JAKMIP1: variants seen among roughly 807,000 people sequenced by gnomAD.
JAKMIP1 encodes janus kinase and microtubule-interacting protein 1.
Under a neutral mutation model 113.0 loss-of-function variants are expected in JAKMIP1, and 33 were observed. The observed-to-expected ratio is 0.29, with a 90% CI of 0.22 to 0.39. JAKMIP1 has a LOEUF of 0.39. Ranked by LOEUF, JAKMIP1 falls within the 10% of genes least tolerant of loss-of-function variation. The pLI is 1.00. For missense variants in JAKMIP1, 813 were observed against 1,080.5 expected, an observed-to-expected ratio of 0.75 and a Z score of 3.47; for synonymous variants, 480 against 459.9, an observed-to-expected ratio of 1.04 and a Z score of -0.56.
intron 1 of JAKMIP1, among the ~76,000 whole-genome samples, chr4:6,182,422 A>AG (rs1332280852): frequency 1.6e-4 from 24 of 149,328 alleles, no homozygotes; most frequent in South Asian, 1.5e-3. Context: ...AAAAAAAAAA[A>AG]AAAAGAAAGA....
chr4:6,086,657 T>C lies in JAKMIP1; in HGVS notation c.625-1028A>G, dbSNP rs752884678. ...TCTGGATGCTCCAGTGAAGGCACTGTCCTGGTTGAATAGCAGGCCCCCAAG... is the reference window on the plus strand; with the variant it reads ...TCTGGATGCTCCAGTGAAGGCACTGCCCTGGTTGAATAGCAGGCCCCCAAG... On this transcript the variant is annotated intron_variant, in intron 3 of 20. Transcript: ENST00000409021. This position sits in a 1 kb window ranked among gnomAD's most constrained non-coding sequence, Gnocchi z 4.1. Among the ~76,000 whole-genome samples the C allele has an allele frequency of 3.3e-5, 5 of 151,978 alleles. No homozygotes were observed. The highest frequency in any genetic ancestry group is 4.8e-5 in the African/African-American group (2 of 41,362).
rs773831465 is a variant in JAKMIP1, at chr4:6,150,778, G to A, written c.-147-37781C>T. Among the ~76,000 whole-genome samples, 9 of 152,126 alleles carry A rather than the reference G, an allele frequency of 5.9e-5. No homozygotes were observed. Among genetic ancestry groups the A allele is most frequent in the South Asian group, 2.1e-4 (1 of 4,822 alleles). ...TAAAATCAGCTTCCTAGACCATGGC[G>A]GGAAGAAGAAAACAGGCAAGAAATT... On this transcript the variant is annotated intron_variant, in intron 1 of 20. Coordinates refer to ENST00000409021, the MANE Select transcript of JAKMIP1 (RefSeq NM_001099433.2). This position sits in a 1 kb window ranked among gnomAD's most constrained non-coding sequence, Gnocchi z 4.8.
chr4:6,165,987 C>T (rs1397449969), intron 1 of JAKMIP1, among the ~76,000 whole-genome samples: 2 of 152,096 alleles, frequency 1.3e-5, no homozygotes, highest in Non-Finnish European at 1.5e-5. Context: ...TTTCTGGGTT[C>T]GCGGACGCAT....
At chr4:6,028,715 T>C (rs1259683993) in intron 20 of JAKMIP1, among the ~76,000 whole-genome samples, 1 of 152,190 alleles carries the variant, frequency 6.6e-6, no homozygotes, top group African/African-American at 2.4e-5. Context: ...CCAGGGCTGA[T>C]CCCACAGTGT....
intron 1 of JAKMIP1, among the ~76,000 whole-genome samples, chr4:6,127,593 G>A (rs776936912): frequency 2.0e-5 from 3 of 152,166 alleles, no homozygotes; most frequent in Non-Finnish European, 4.4e-5. Context: ...TTGGCAGGCT[G>A]GGAGGTGGCC....
At position 6,183,882 on chromosome 4, in the gene JAKMIP1, C is replaced by T. The variant is rs1037407844; in HGVS notation, c.-148+16371G>A. On this transcript the variant is annotated intron_variant, in intron 1 of 20. Transcript: ENST00000409021. The surrounding 1 kb of genome is among the most constrained non-coding windows in gnomAD (Gnocchi z 5.3). ...ACTCCCAAAAACGGAATCACAAATG[C>T]GGTATGCAAATCGTCACAACAGAAT... is the stretch of plus-strand genomic sequence containing the variant. Among the ~76,000 whole-genome samples, 10 of 152,120 alleles carry T rather than the reference C, an allele frequency of 6.6e-5. No individual in the cohort carries two copies. Among genetic ancestry groups the T allele is most frequent in the African/African-American group, 2.4e-4 (10 of 41,418 alleles).
intron 19 of JAKMIP1, among the ~76,000 whole-genome samples, chr4:6,030,782 T>C (rs1428972468): frequency 1.3e-5 from 2 of 152,182 alleles, no homozygotes; most frequent in Non-Finnish European, 2.9e-5. Context: ...TCACATTCCG[T>C]AGGGCAGTGA....
rs1381304056 is a variant in JAKMIP1 at position 6,088,436 on chromosome 4, CAA to C, written c.625-2809_625-2808del. Among the ~76,000 whole-genome samples the C allele has an allele frequency of 6.6e-6, 1 of 152,168 alleles. No homozygotes were observed. The highest frequency in any genetic ancestry group is 1.5e-5 in the Non-Finnish European group (1 of 68,026). On this transcript the variant is annotated intron_variant, in intron 3 of 20. Coordinates refer to ENST00000409021, the MANE Select transcript of JAKMIP1 (RefSeq NM_001099433.2). The surrounding 1 kb of genome is among the most constrained non-coding windows in gnomAD (Gnocchi z 5.5). ...GCCACTGCCTTCCACTAGCTCCCCA[CAA>C]AAGACAGCACCGTCGCGAGCAAGAC...
intron 1 of JAKMIP1, among the ~76,000 whole-genome samples, chr4:6,120,227 GA>G (rs1434616146): frequency 6.7e-6 from 1 of 150,196 alleles, no homozygotes; most frequent in Non-Finnish European, 1.5e-5. Context: ...GAGCCCTTAG[GA>G]AAAAAATCTC....
Position 6,140,307 on chromosome 4 carries a change from T to C in JAKMIP1, c.-147-27310A>G, listed in dbSNP as rs982020593. Among the ~76,000 whole-genome samples, 1 of 150,700 alleles carries C rather than the reference T, an allele frequency of 6.6e-6. No homozygotes were observed. The highest frequency in any genetic ancestry group is 6.6e-5 in the Admixed American group (1 of 15,092). ...TTCACCAACATTTGTGTGATACACA[T>C]CTTCCCACATAAATCATAATGCACA... On this transcript the variant is annotated intron_variant, in intron 1 of 20. Coordinates refer to ENST00000409021, the MANE Select transcript of JAKMIP1 (RefSeq NM_001099433.2). This position sits in a 1 kb window ranked among gnomAD's most constrained non-coding sequence, Gnocchi z 9.4.
At chr4:6,098,563 AAAGAAAG>A (rs1436516229) in intron 3 of JAKMIP1, among the ~76,000 whole-genome samples, 5 of 22,220 alleles carry the variant, frequency 2.3e-4, no homozygotes, top group Admixed American at 9.4e-4. Context: ...AGAAAGAAAG[AAAGAAAG>A]AAAGAAAGAA....
chr4:6,085,045 A>T, intron 4 of JAKMIP1, 80 bp from the exon 5 acceptor site: 3 of 1,477,178 alleles, frequency 2.0e-6, no homozygotes, highest in Non-Finnish European at 2.7e-6. Flanking sequence ...TTCTTAGAAA[A>T]TTCACATGAC....
Position 6,139,534 on chromosome 4 carries a change from G to A in JAKMIP1, c.-147-26537C>T, listed in dbSNP as rs1328598060. ...TGTAACCCCAGCACTTTGGGAGGCT[G>A]AGGCAGGCGGATCACAAAGTCAGGA... is the stretch of plus-strand genomic sequence containing the variant. On this transcript the variant is annotated intron_variant, in intron 1 of 20. Transcript: ENST00000409021. The surrounding 1 kb of genome is among the most constrained non-coding windows in gnomAD (Gnocchi z 5.2). 6.6e-6 allele frequency among the ~76,000 whole-genome samples: 1 copy of A among 152,116 alleles called. No individual in the cohort carries two copies. Among genetic ancestry groups the A allele is most frequent in the East Asian group, 1.9e-4 (1 of 5,184 alleles).
intron 3 of JAKMIP1, among the ~76,000 whole-genome samples, chr4:6,103,597 T>C (rs975231578): frequency 2.0e-5 from 3 of 152,232 alleles, no homozygotes; most frequent in African/African-American, 7.2e-5. Flanking sequence ...TCTTAAACAC[T>C]TGAAAGAATT....
At position 6,043,754 on chromosome 4, in the gene JAKMIP1, G is replaced by GC. The variant is rs1314341249; in HGVS notation, c.2029-1528dup. 7.5e-5 allele frequency among the ~76,000 whole-genome samples: 8 copies of GC among 106,156 alleles called. No individual in the cohort carries two copies. In the South Asian group the frequency reaches 8.3e-4, roughly 11 times the overall value. 69.6% of individuals were successfully genotyped at this position (106,156 alleles called of 152,430 possible). Reference sequence around the variant, plus strand: ...CCCCACACACCCCAAATTCCTTTCTGCCCCCCCAGCCAGCAAGTTCCCTAA... The same window carrying GC: ...CCCCACACACCCCAAATTCCTTTCTGCCCCCCCCAGCCAGCAAGTTCCCTAA... On this transcript the variant is annotated intron_variant, in intron 16 of 20. Transcript: ENST00000409021.
At position 6,108,870 on chromosome 4, in the gene JAKMIP1, T is replaced by C. The variant is rs1043722278; in HGVS notation, c.130-2903A>G. ...ATCTGTAAGAACTCATGTTTGACTTTGTATGGATATAGATGTCATATATGG... is the reference window on the plus strand; with the variant it reads ...ATCTGTAAGAACTCATGTTTGACTTCGTATGGATATAGATGTCATATATGG... On this transcript the variant is annotated intron_variant, in intron 2 of 20. Transcript: ENST00000409021. This position sits in a 1 kb window ranked among gnomAD's most constrained non-coding sequence, Gnocchi z 5.6. Among the ~76,000 whole-genome samples, 1 of 152,238 alleles carries C rather than the reference T, an allele frequency of 6.6e-6. No individual in the cohort carries two copies. Among genetic ancestry groups the C allele is most frequent in the African/African-American group, 2.4e-5 (1 of 41,462 alleles).
In JAKMIP1 at chr4:6,040,109, T is replaced by A. The variant is rs1416135465; in HGVS notation, c.2175+530A>T. Reference sequence around the variant, plus strand: ...CGTGCCAGGAGCACTTAGCTTTGAGTGTGAGGACACAGGAGTTTGAACATC... The same window carrying A: ...CGTGCCAGGAGCACTTAGCTTTGAGAGTGAGGACACAGGAGTTTGAACATC... On this transcript the variant is annotated intron_variant, in intron 18 of 20. Transcript: ENST00000409021. The surrounding 1 kb of genome is among the most constrained non-coding windows in gnomAD (Gnocchi z 5.8). 6.6e-6 allele frequency among the ~76,000 whole-genome samples: 1 copy of A among 152,204 alleles called. No homozygotes were observed. Among genetic ancestry groups the A allele is most frequent in the Non-Finnish European group, 1.5e-5 (1 of 68,036 alleles).
chr4:6,110,838 C>A (rs1385582257), intron 2 of JAKMIP1, among the ~76,000 whole-genome samples: 1 of 151,318 alleles, frequency 6.6e-6, no homozygotes, highest in Non-Finnish European at 1.5e-5. Flanking sequence ...CTTTCCCTGT[C>A]ACCACAGCTG....
chr4:6,189,743 C>T (rs188030173), intron 1 of JAKMIP1, among the ~76,000 whole-genome samples: 201 of 152,246 alleles, frequency 1.3e-3, no homozygotes, highest in Admixed American at 2.0e-3. Flanking sequence ...TTATGCCTGG[C>T]CCTACCTGGC....
Sources: allele counts gnomAD v4.1 joint callset (sites outside exome capture counted in the v4.1 genomes callset), GRCh38; gene constraint gnomAD v4.1.1; non-coding constraint Gnocchi (gnomAD v3.1); transcripts MANE v1.5; gene names NCBI Gene and HGNC (gene_info 2026-07-23, HGNC 2026-07-21).